ABCC2: variants seen among roughly 807,000 people sequenced by gnomAD.
The protein encoded by ABCC2 is ATP binding cassette subfamily C member 2.
Under a neutral mutation model 173.4 loss-of-function variants are expected in ABCC2, and 157 were observed. That is an observed-to-expected ratio of 0.91 (90% CI 0.80 to 1.03). The LOEUF (loss-of-function observed/expected upper bound fraction) is 1.03. ABCC2 is among the 50% of genes least tolerant of loss of function. The pLI, the probability that ABCC2 is intolerant of heterozygous loss-of-function variation, is 0.00. For missense variants in ABCC2, 1,822 were observed against 1,852.3 expected (o/e 0.98, Z 0.30); for synonymous variants, 657 against 693.5 (o/e 0.95, Z 0.83).
At chr10:99,826,429 G>A (rs1471977112) in intron 19 of ABCC2, among the ~76,000 whole-genome samples, 2 of 150,558 alleles carry the variant, frequency 1.3e-5, no homozygotes, top group African/African-American at 4.9e-5. Flanking sequence ...ATTGACTTTT[G>A]AGCAACATCT....
chr10:99,851,530 A>G lies in ABCC2; in HGVS notation c.4537A>G (p.Ile1513Val). ...AATGGTCCTAGACAACGGGAAGATTATAGAGTGCGGCAGCCCTGAAGAACT... is the reference window on the plus strand; with the variant it reads ...AATGGTCCTAGACAACGGGAAGATTGTAGAGTGCGGCAGCCCTGAAGAACT... ...KVMVLDNGKI[I>V]ECGSPEELLQ... is the part of the protein sequence containing the mutation. The change falls in exon 32 of 32, where the codon ATA (isoleucine) becomes GTA (valine). Residue 1513 changes from isoleucine to valine, a missense_variant. Coordinates refer to ENST00000647814, the MANE Select transcript of ABCC2 (RefSeq NM_000392.5). 6.2e-7 allele frequency: 1 copy of G among 1,614,158 alleles called. No individual in the cohort carries two copies. The highest frequency in any genetic ancestry group is 2.2e-5 in the East Asian group (1 of 44,876).
At chr10:99,828,725 C>G (rs2038687896) in intron 19 of ABCC2, among the ~76,000 whole-genome samples, 1 of 152,056 alleles carries the variant, frequency 6.6e-6, no homozygotes, top group African/African-American at 2.4e-5. Flanking sequence ...CCCTTAATTG[C>G]TTTGAAACAA....
chr10:99,808,360 G>C, intron 13 of ABCC2, 131 bp downstream of exon 13: 1 of 1,199,396 alleles, frequency 8.3e-7, no homozygotes, highest in Non-Finnish European at 1.2e-6. Context: ...TTTGGTCTCT[G>C]GAGACCAATG....
At chr10:99,798,063 G>A (rs944543038) in intron 7 of ABCC2, 1 of 152,906 alleles carries the variant, frequency 6.5e-6, no homozygotes, top group Non-Finnish European at 1.5e-5. Flanking sequence ...ATTAAGCTAT[G>A]TGGACCCCTG....
At chr10:99,800,223 C>T (rs1432693830) in intron 8 of ABCC2, among the ~76,000 whole-genome samples, 163 bp from the exon 9 acceptor site, 4 of 152,114 alleles carry the variant, frequency 2.6e-5, no homozygotes, top group African/African-American at 9.7e-5. Flanking sequence ...ACAGAAAGGA[C>T]ACTGGTAAAA....
At chr10:99,791,832 A>C (rs2037815773) in intron 2 of ABCC2, among the ~76,000 whole-genome samples, 1 of 152,180 alleles carries the variant, frequency 6.6e-6, no homozygotes, top group South Asian at 2.1e-4. Flanking sequence ...GGAGACAGAG[A>C]ACAAGGAGAA....
chr10:99,836,046 C>T lies in ABCC2; in HGVS notation c.3415-45C>T. On this transcript the variant is annotated intron_variant, in intron 24 of 31. Coordinates refer to ENST00000647814, the MANE Select transcript of ABCC2 (RefSeq NM_000392.5). ...CCAGAAAGGAGGAAGATGGTGGATGCCTCATGACTGCGGGACTGGCTGATT... is the reference window on the plus strand; with the variant it reads ...CCAGAAAGGAGGAAGATGGTGGATGTCTCATGACTGCGGGACTGGCTGATT... 4.4e-6 allele frequency: 7 copies of T among 1,586,590 alleles called. No individual in the cohort carries two copies. In the African/African-American group the frequency reaches 5.4e-5, roughly 12 times the overall value.
intron 23 of ABCC2, 91 bp from the exon 24 acceptor site, chr10:99,834,289 A>C: frequency 1.5e-6 from 2 of 1,337,404 alleles, no homozygotes; most frequent in Non-Finnish European, 2.1e-6. Context: ...GAACACACAG[A>C]ATCCAACAGA....
At chr10:99,787,904 A>G (rs577505250) in intron 2 of ABCC2, among the ~76,000 whole-genome samples, 100 of 152,092 alleles carry the variant, frequency 6.6e-4, no homozygotes, top group African/African-American at 2.0e-3. Context: ...TCTACAAAAA[A>G]TTAAAAAAAT....
At position 99,800,398 on chromosome 10, in the gene ABCC2, C is replaced by T; in HGVS notation, c.1044C>T (p.Ser348=). Residue 348 remains serine, a synonymous_variant, in exon 9 of 32, where the codon TCC becomes TCT. Coordinates refer to ENST00000647814, the MANE Select transcript of ABCC2 (RefSeq NM_000392.5). Reference sequence around the variant, plus strand: ...TTTTCTCTGGCAGATTGCTGATCTCCTTTGCAAGTGACCGTGACACATATT... The same window carrying T: ...TTTTCTCTGGCAGATTGCTGATCTCTTTTGCAAGTGACCGTGACACATATT... ...VSPQLLKLLI[S]FASDRDTYLW... 6.2e-7 allele frequency: 1 copy of T among 1,614,152 alleles called. No homozygotes were observed. Among genetic ancestry groups the T allele is most frequent in the Non-Finnish European group, 8.5e-7 (1 of 1,180,022 alleles).
intron 19 of ABCC2, among the ~76,000 whole-genome samples, chr10:99,826,402 G>A (rs1464759411): frequency 4.0e-5 from 6 of 149,968 alleles, no homozygotes; most frequent in Non-Finnish European, 7.4e-5. Flanking sequence ...ATGACCTTAC[G>A]GGCTTTTTCA....
chr10:99,809,889 A>T (rs1291858146), intron 13 of ABCC2, among the ~76,000 whole-genome samples: 3 of 152,242 alleles, frequency 2.0e-5, no homozygotes, highest in Admixed American at 1.3e-4. Context: ...AGTTTCTGGA[A>T]TTAGGGCCGA....
At chr10:99,814,705 G>T (rs1215102120) in intron 16 of ABCC2, among the ~76,000 whole-genome samples, 5 of 133,186 alleles carry the variant, frequency 3.8e-5, no homozygotes, top group Non-Finnish European at 8.1e-5. Flanking sequence ...ACATATATGT[G>T]TATACATGTA....
In ABCC2 at chr10:99,793,950, T is replaced by A; in HGVS notation, c.527T>A (p.Ile176Asn). 6.2e-7 allele frequency: 1 copy of A among 1,613,886 alleles called. No individual in the cohort carries two copies. Among genetic ancestry groups the A allele is most frequent in the Non-Finnish European group, 8.5e-7 (1 of 1,179,884 alleles). The change falls in exon 5 of 32, where the codon ATC becomes AAC. Residue 176 changes from isoleucine (I) to asparagine (N), a missense_variant. By Grantham distance (149) the Ile-to-Asn change is moderately radical (BLOSUM62 -3). Transcript: ENST00000647814. ...CLFFISYGFQ[I>N]LILIFSAFSE... ...TTCTTCATCTCCTACGGATTCCAGATCCTGATCCTGATCTTTTCAGCATTT... is the reference window on the plus strand; with the variant it reads ...TTCTTCATCTCCTACGGATTCCAGAACCTGATCCTGATCTTTTCAGCATTT...
At chr10:99,811,696 T>G (rs2038218395) in intron 15 of ABCC2, 94 bp downstream of exon 15, 1 of 1,378,830 alleles carries the variant, frequency 7.3e-7, no homozygotes, top group Admixed American at 1.7e-5. Flanking sequence ...CATGGGGAAA[T>G]GAGCTATGTG....
chr10:99,792,576 A>G (rs2037827982), intron 3 of ABCC2, among the ~76,000 whole-genome samples: 1 of 152,202 alleles, frequency 6.6e-6, no homozygotes, highest in African/African-American at 2.4e-5. Flanking sequence ...TAGGTTAAGT[A>G]TTAGCTTTCA....
At chr10:99,785,871 T>TGTTCTACTAGCATACCTAACAATGAC (rs1306255841) in intron 2 of ABCC2, among the ~76,000 whole-genome samples, 7 of 151,992 alleles carry the variant, frequency 4.6e-5, no homozygotes, top group Non-Finnish European at 7.4e-5. Context: ...TAGATTCCAT[T>TGTTCTACTAGCATACCTAACAATGAC]GTTCTACTAG....
At chr10:99,820,552 G>C (rs1226539836) in intron 19 of ABCC2, among the ~76,000 whole-genome samples, 1 of 152,220 alleles carries the variant, frequency 6.6e-6, no homozygotes, top group Non-Finnish European at 1.5e-5. Context: ...GAGCCCAGGA[G>C]TTTGAGACCA....
intron 27 of ABCC2, 144 bp from the exon 28 acceptor site, chr10:99,844,178 C>G: frequency 2.0e-6 from 2 of 999,150 alleles, no homozygotes; most frequent in Non-Finnish European, 3.0e-6. Context: ...AAGTGCAAGT[C>G]TAGTTCAGCC....
Sources: allele counts gnomAD v4.1 joint callset (sites outside exome capture counted in the v4.1 genomes callset), GRCh38; gene constraint gnomAD v4.1.1; transcripts MANE v1.5; gene names NCBI Gene and HGNC (gene_info 2026-07-23, HGNC 2026-07-21).